CCDC91: variants seen among roughly 807,000 people sequenced by gnomAD.
CCDC91 encodes the protein coiled-coil domain-containing protein 91.
A neutral mutation model predicts 63.2 loss-of-function variants in CCDC91; 48 were observed. The observed-to-expected ratio is 0.76, with a 90% CI of 0.60 to 0.97. The LOEUF (loss-of-function observed/expected upper bound fraction) is 0.97. Among genes scored for constraint, CCDC91 ranks in the 50% least tolerant of loss-of-function variants. CCDC91 has a pLI of 0.00. For synonymous variants in CCDC91, 167 were observed against 165.8 expected (o/e 1.01, Z -0.06); for missense variants, 500 against 494.6 (o/e 1.01, Z -0.10).
At chr12:28,190,945 T>C (rs542726325) in intron 1 of CCDC91, among the ~76,000 whole-genome samples, 1 of 152,208 alleles carries the variant, frequency 6.6e-6, no homozygotes, top group Non-Finnish European at 1.5e-5. Context: ...GAACACGTGA[T>C]TATTGTGTCA....
chr12:28,229,160 T>C (rs946016483), intron 1 of CCDC91, among the ~76,000 whole-genome samples: 2 of 151,712 alleles, frequency 1.3e-5, no homozygotes, highest in Admixed American at 6.6e-5. Flanking sequence ...TGTAGATAGC[T>C]CTGGGGGTTC....
intron 1 of CCDC91, among the ~76,000 whole-genome samples, chr12:28,192,584 T>C (rs1055036469): frequency 6.6e-6 from 1 of 152,238 alleles, no homozygotes; most frequent in African/African-American, 2.4e-5. Flanking sequence ...TCTTGGTGTT[T>C]ATGTATATCT....
chr12:28,467,573 C>G (rs1592755200), intron 11 of CCDC91, among the ~76,000 whole-genome samples: 1 of 151,938 alleles, frequency 6.6e-6, no homozygotes, highest in East Asian at 1.9e-4. Context: ...ATCAACAAAT[C>G]AACACTGGAG....
intron 12 of CCDC91, among the ~76,000 whole-genome samples, chr12:28,504,741 T>G (rs1338959422): frequency 1.3e-5 from 2 of 151,962 alleles, no homozygotes; most frequent in Non-Finnish European, 2.9e-5. Context: ...GTAGGCATGC[T>G]TATGTCACTT....
At chr12:28,391,895 C>G (rs981292690) in intron 8 of CCDC91, among the ~76,000 whole-genome samples, 1 of 151,990 alleles carries the variant, frequency 6.6e-6, no homozygotes, top group African/African-American at 2.4e-5. Context: ...AACAAAGCAG[C>G]TGAAGATTTA....
At chr12:28,213,021 T>G (rs1230816614) in intron 1 of CCDC91, among the ~76,000 whole-genome samples, 1 of 152,182 alleles carries the variant, frequency 6.6e-6, no homozygotes, top group Non-Finnish European at 1.5e-5. Flanking sequence ...TCTTGAAAAT[T>G]GGAATGGGGA....
Position 28,452,581 on chromosome 12 carries a change from A to T in CCDC91, c.1028A>T (p.Glu343Val). ...GAAGAAAGGGAATTATGGAAGACAG[A>T]ACATGCAAAAGATCAAGAAAAAGTA... ...HAEERELWKT[E>V]HAKDQEKVSQ... Residue 343 changes from glutamate to valine, a missense_variant, in exon 11 of 13, where the codon GAA (glutamate) becomes GTA (valine). By Grantham distance (121) the Glu-to-Val change is moderately radical (BLOSUM62 -2). Transcript: ENST00000536442. The T allele has an allele frequency of 6.3e-7, 1 of 1,589,030 alleles. No homozygotes were observed. The highest frequency in any genetic ancestry group is 1.2e-5 in the South Asian group (1 of 85,868).
At chr12:28,516,434 C>T (rs1939955894) in intron 12 of CCDC91, among the ~76,000 whole-genome samples, 1 of 151,786 alleles carries the variant, frequency 6.6e-6, no homozygotes, top group Non-Finnish European at 1.5e-5. Flanking sequence ...AAAACCACAT[C>T]TCTACAAAAA....
At chr12:28,447,934 A>G (rs1949616071) in intron 8 of CCDC91, among the ~76,000 whole-genome samples, 2 of 151,884 alleles carry the variant, frequency 1.3e-5, no homozygotes, top group African/African-American at 4.8e-5. Context: ...TGTTCAGGAA[A>G]CATCTTATTT....
intron 8 of CCDC91, among the ~76,000 whole-genome samples, chr12:28,416,014 T>C (rs1258729855): frequency 6.6e-6 from 1 of 151,922 alleles, no homozygotes; most frequent in Non-Finnish European, 1.5e-5. Context: ...TGAGGTAATT[T>C]ATCATGAAGG....
chr12:28,529,613 C>T (rs548539241), intron 12 of CCDC91, among the ~76,000 whole-genome samples: 37 of 152,050 alleles, frequency 2.4e-4, no homozygotes, highest in African/African-American at 5.1e-4. Context: ...TTCTAATTGC[C>T]GAAGAAGCGC....
At chr12:28,539,021 G>GGCT (rs1383977998) in intron 12 of CCDC91, among the ~76,000 whole-genome samples, 18 of 152,136 alleles carry the variant, frequency 1.2e-4, no homozygotes, top group Admixed American at 4.6e-4. Flanking sequence ...TTTGTCAGAT[G>GGCT]AGTAGGTTGC....
chr12:28,254,703 CTT>C (rs1946327575), intron 1 of CCDC91, among the ~76,000 whole-genome samples: 1 of 150,380 alleles, frequency 6.6e-6, no homozygotes, highest in Non-Finnish European at 1.5e-5. Flanking sequence ...TGTTAAGTAA[CTT>C]GGGACATAAT....
At chr12:28,369,021 G>A (rs916201886) in intron 7 of CCDC91, among the ~76,000 whole-genome samples, 2 of 152,106 alleles carry the variant, frequency 1.3e-5, no homozygotes, top group African/African-American at 4.8e-5. Flanking sequence ...GGGACACAAA[G>A]CCAAATCATG....
intron 12 of CCDC91, among the ~76,000 whole-genome samples, chr12:28,512,815 A>T (rs1268703247): frequency 6.6e-6 from 1 of 151,922 alleles, no homozygotes; most frequent in Non-Finnish European, 1.5e-5. Context: ...GTTGTATGGT[A>T]CGGAAGGGAT....
At chr12:28,531,741 T>C (rs559144592) in intron 12 of CCDC91, among the ~76,000 whole-genome samples, 27 of 152,306 alleles carry the variant, frequency 1.8e-4, no homozygotes, top group South Asian at 1.7e-3. Flanking sequence ...TGTTCTTTAT[T>C]TAGTAAATTC....
chr12:28,519,534 G>A lies in CCDC91; in HGVS notation c.1216-29529G>A, dbSNP rs182480091. On this transcript the variant is annotated intron_variant, in intron 12 of 12. Coordinates refer to ENST00000536442, the MANE Select transcript of CCDC91 (RefSeq NM_018318.5). ...AGTGTAACTTCCTCTTTACCAATTT[G>A]GATGCTCTTTGTATCTTTCTCTTTT... Among the ~76,000 whole-genome samples the A allele has an allele frequency of 6.6e-5, 10 of 151,318 alleles. No individual in the cohort carries two copies. In the East Asian group the frequency reaches 1.8e-3, roughly 27 times the overall value.
At chr12:28,430,565 T>G (rs1300846359) in intron 8 of CCDC91, among the ~76,000 whole-genome samples, 1 of 152,156 alleles carries the variant, frequency 6.6e-6, no homozygotes, top group Non-Finnish European at 1.5e-5. Flanking sequence ...TAGATTCCAT[T>G]AAATTTTTGT....
chr12:28,450,015 C>T, intron 8 of CCDC91, 146 bp from the exon 9 acceptor site: 2 of 499,362 alleles, frequency 4.0e-6, no homozygotes, highest in Non-Finnish European at 7.2e-6. Flanking sequence ...GTTTTTTTCT[C>T]CTGAACCTTC....
Sources: gnomAD v4.1 joint callset for allele counts (sites outside exome capture counted in the v4.1 genomes callset) on GRCh38, gnomAD v4.1.1 for gene constraint, MANE v1.5 for transcripts, NCBI Gene and HGNC (gene_info 2026-07-23, HGNC 2026-07-21) for gene names.